RPUSD2: variants seen among roughly 807,000 people sequenced by gnomAD.
RPUSD2 encodes RNA pseudouridine synthase domain containing 2.
A neutral mutation model predicts 41.5 loss-of-function variants in RPUSD2; 31 were observed. The observed-to-expected ratio is 0.75, with a 90% CI of 0.56 to 1.01. The LOEUF (loss-of-function observed/expected upper bound fraction) is 1.01, where lower values mean the gene tolerates loss of function less well. Among genes scored for constraint, RPUSD2 ranks in the 50% least tolerant of loss-of-function variants. The pLI is 0.00. For synonymous variants in RPUSD2, 305 were observed against 289.7 expected, an observed-to-expected ratio of 1.05 and a Z score of -0.54; for missense variants, 749 against 724.7, an observed-to-expected ratio of 1.03 and a Z score of -0.38.
In RPUSD2 at chr15:40,573,609, C is replaced by T; in HGVS notation, c.986C>T (p.Ser329Phe). ...TGTAAAGAACCCATCTTAGTGGTGTCTTACAAAGTAGGGGTGTGCCGTGTA... is the reference window on the plus strand; with the variant it reads ...TGTAAAGAACCCATCTTAGTGGTGTTTTACAAAGTAGGGGTGTGCCGTGTA... ...VTCKEPILVV[S>F]YKVGVCRVDP... Residue 329 changes from serine to phenylalanine, a missense_variant, in exon 3 of 3, where the codon TCT (serine) becomes TTT (phenylalanine). By Grantham distance (155) the Ser-to-Phe change is radical. Transcript: ENST00000315616. 3 of 1,614,186 alleles carry T rather than the reference C, an allele frequency of 1.9e-6. No homozygotes were observed. The highest frequency in any genetic ancestry group is 2.5e-6 in the Non-Finnish European group (3 of 1,180,028).
chr15:40,571,667 C>A lies in RPUSD2; in HGVS notation c.670C>A (p.Arg224Ser). The A allele has an allele frequency of 6.2e-7, 1 of 1,614,228 alleles. No individual in the cohort carries two copies. The highest frequency in any genetic ancestry group is 8.5e-7 in the Non-Finnish European group (1 of 1,180,016). ...HEPPVTAEPI[R>S]LLAENEDVVV... ...GCCACCAGTCACAGCAGAGCCCATT[C>A]GCCTGCTAGCTGAGAACGAAGATGT... Residue 224 changes from arginine (R) to serine (S), a missense_variant, in exon 2 of 3, where the codon CGC (arginine) becomes AGC (serine). Coordinates refer to ENST00000315616, the MANE Select transcript of RPUSD2 (RefSeq NM_152260.3).
In RPUSD2 at chr15:40,573,525, A is replaced by G; in HGVS notation, c.904-2A>G. On this transcript the variant is annotated splice_acceptor_variant, in intron 2 of 2. Transcript: ENST00000315616. LOFTEE classifies it high-confidence loss of function. ...ACTTTCTCCCTCTTCCCTCCTATGTAGCTGGAGAAGGAGTACGTGTGCCGG... is the reference window on the plus strand; with the variant it reads ...ACTTTCTCCCTCTTCCCTCCTATGTGGCTGGAGAAGGAGTACGTGTGCCGG... 1 of 1,608,326 alleles carries G rather than the reference A, an allele frequency of 6.2e-7. No homozygotes were observed. The highest frequency in any genetic ancestry group is 8.5e-7 in the Non-Finnish European group (1 of 1,176,860).
intron 2 of RPUSD2, 41 bp downstream of exon 2, chr15:40,571,941 T>C: frequency 1.9e-6 from 3 of 1,584,308 alleles, no homozygotes; most frequent in Non-Finnish European, 2.6e-6. Context: ...CTTCTTGGGC[T>C]CACGAATGCT....
Position 40,569,315 on chromosome 15 carries a change from A to T in RPUSD2, c.-23A>T. The T allele has an allele frequency of 2.1e-6, 3 of 1,428,460 alleles. No homozygotes were observed. The highest frequency in any genetic ancestry group is 2.8e-6 in the Non-Finnish European group (3 of 1,087,310). The allele number at this position is 1,428,460 out of a possible 1,614,324, so 88.5% of individuals were successfully genotyped here. A position where few individuals can be genotyped will look rare whatever the true frequency, so the allele number is the denominator to read the frequency against. ...GACGTCCTCAGATCGCGACCCTGGG[A>T]GTGGAGTGGGGGCAGCGTGGTTATG... On this transcript the variant is annotated 5_prime_UTR_variant, in exon 1 of 3. Coordinates refer to ENST00000315616, the MANE Select transcript of RPUSD2 (RefSeq NM_152260.3).
rs764618059 is a variant in RPUSD2, at chr15:40,569,545, G to A, written c.208G>A (p.Gly70Arg). 11 of 1,536,220 alleles carry A rather than the reference G, an allele frequency of 7.2e-6. No homozygotes were observed. Among genetic ancestry groups the A allele is most frequent in the Non-Finnish European group, 9.6e-6 (11 of 1,145,926 alleles). Residue 70 changes from glycine to arginine, a missense_variant, in exon 1 of 3, where the codon GGG (glycine) becomes AGG (arginine). Coordinates refer to ENST00000315616, the MANE Select transcript of RPUSD2 (RefSeq NM_152260.3). ...GGDAKVELSP[G>R]PPKPAGREVE... ...CGACGCGAAGGTTGAGCTGTCCCCC[G>A]GGCCCCCGAAGCCGGCTGGCCGGGA...
At position 40,571,701 on chromosome 15, in the gene RPUSD2, T is replaced by TAG; in HGVS notation, c.706_707dup (p.Asp236GlufsTer24). The TAG allele has an allele frequency of 6.2e-7, 1 of 1,614,236 alleles. No individual in the cohort carries two copies. The highest frequency in any genetic ancestry group is 2.2e-5 in the East Asian group (1 of 44,884). ...GCTGAGAACGAAGATGTGGTGGTTG[T>TAG]AGACAAGCCTTCCTCCATTCCCGTT... On this transcript the variant is annotated frameshift_variant, in exon 2 of 3. Transcript: ENST00000315616. LOFTEE classifies it high-confidence loss of function.
At chr15:40,570,155 GTT>G in intron 1 of RPUSD2, 1 of 567,658 alleles carries the variant, frequency 1.8e-6, no homozygotes, top group African/African-American at 1.9e-5. Context: ...GACTCAGCCT[GTT>G]TATCCTCTTC....
intron 1 of RPUSD2, 101 bp from the exon 2 acceptor site, chr15:40,571,503 C>T: frequency 1.8e-6 from 2 of 1,105,872 alleles, no homozygotes; most frequent in South Asian, 1.5e-5. Context: ...TGTGCTTTCA[C>T]CATTTTTCCA....
Position 40,573,843 on chromosome 15 carries a change from C to A in RPUSD2, c.1220C>A (p.Thr407Lys), listed in dbSNP as rs1891197088. ...SRGRGGYIPK[T>K]NEELLRDLVA... is the part of the protein sequence containing the mutation. The stretch of plus-strand genomic sequence containing the variant: ...GGCCGGGGCGGCTACATTCCCAAGA[C>A]AAACGAGGAGTTGCTACGGGACCTG... Residue 407 changes from threonine to lysine, a missense_variant, in exon 3 of 3, where the codon ACA (threonine) becomes AAA (lysine). Thr to Lys is a moderately conservative substitution (Grantham distance 78, BLOSUM62 -1). Transcript: ENST00000315616. 1.9e-6 allele frequency: 3 copies of A among 1,614,038 alleles called. No homozygotes were observed. Among genetic ancestry groups the A allele is most frequent in the African/African-American group, 1.3e-5 (1 of 74,926 alleles).
rs751241467 is a variant in RPUSD2 at position 40,574,076 on chromosome 15, G to A, written c.1453G>A (p.Ala485Thr). 61 of 1,614,076 alleles carry A rather than the reference G, an allele frequency of 3.8e-5. No homozygotes were observed. The highest frequency in any genetic ancestry group is 4.7e-5 in the Non-Finnish European group (55 of 1,180,050). ...CACAATAGCCTTGGCATCAGAGAAG[G>A]CAGTTGAAACAGATGTCATGAATCA... ...LDTIALASEK[A>T]VETDVMNQET... Residue 485 changes from alanine to threonine, a missense_variant, in exon 3 of 3, where the codon GCA becomes ACA. By Grantham distance (58) the Ala-to-Thr change is moderately conservative. Transcript: ENST00000315616.
intron 2 of RPUSD2, 112 bp from the exon 3 acceptor site, chr15:40,573,415 G>C: frequency 8.3e-7 from 1 of 1,200,070 alleles, no homozygotes; most frequent in East Asian, 2.4e-5. Flanking sequence ...ACTGGCGAAT[G>C]GTAGAGCTGG....
At position 40,574,043 on chromosome 15, in the gene RPUSD2, G is replaced by A. The variant is rs202040743; in HGVS notation, c.1420G>A (p.Glu474Lys). Residue 474 changes from glutamate (E) to lysine (K), a missense_variant, in exon 3 of 3, where the codon GAG becomes AAG. Coordinates refer to ENST00000315616, the MANE Select transcript of RPUSD2 (RefSeq NM_152260.3). The part of the protein sequence containing the change: ...MEEVAEAAPQ[E>K]LDTIALASEK... Reference sequence around the variant, plus strand: ...GGAAGTAGCTGAGGCAGCCCCTCAGGAGTTGGACACAATAGCCTTGGCATC... The same window carrying A: ...GGAAGTAGCTGAGGCAGCCCCTCAGAAGTTGGACACAATAGCCTTGGCATC... The A allele has an allele frequency of 1.2e-5, 19 of 1,614,124 alleles. No individual in the cohort carries two copies. In the East Asian group the frequency reaches 4.0e-4, roughly 34 times the overall value.
chr15:40,572,136 G>A (rs1376408031), intron 2 of RPUSD2, among the ~76,000 whole-genome samples: 1 of 152,092 alleles, frequency 6.6e-6, no homozygotes, highest in East Asian at 1.9e-4. Context: ...CTATTTTGAA[G>A]CTTTAAAATG....
Position 40,573,900 on chromosome 15 carries a change from A to G in RPUSD2, c.1277A>G (p.Asp426Gly). ...GAGCACCAGGCCAAACAGAGCCTGG[A>G]TGTGCTAGATCTCTGTGAGGGTGAC... is the stretch of plus-strand genomic sequence containing the variant. The part of the protein sequence containing the change: ...VAEHQAKQSL[D>G]VLDLCEGDLS... Residue 426 changes from aspartate to glycine, a missense_variant, in exon 3 of 3, where the codon GAT becomes GGT. Coordinates refer to ENST00000315616, the MANE Select transcript of RPUSD2 (RefSeq NM_152260.3). 6.2e-7 allele frequency: 1 copy of G among 1,614,092 alleles called. No homozygotes were observed. The highest frequency in any genetic ancestry group is 8.5e-7 in the Non-Finnish European group (1 of 1,180,008).
At position 40,574,056 on chromosome 15, in the gene RPUSD2, T is replaced by C. The variant is rs1035255596; in HGVS notation, c.1433T>C (p.Ile478Thr). 1.8e-5 allele frequency: 29 copies of C among 1,613,952 alleles called. No individual in the cohort carries two copies. Among genetic ancestry groups the C allele is most frequent in the Non-Finnish European group, 2.2e-5 (26 of 1,180,018 alleles). Residue 478 changes from isoleucine (I) to threonine (T), a missense_variant, in exon 3 of 3, where the codon ATA (isoleucine) becomes ACA (threonine). Ile to Thr is a moderately conservative substitution (Grantham distance 89, BLOSUM62 -1). Transcript: ENST00000315616. ...GCAGCCCCTCAGGAGTTGGACACAA[T>C]AGCCTTGGCATCAGAGAAGGCAGTT... is the stretch of plus-strand genomic sequence containing the variant. ...AEAAPQELDTIALASEKAVET... is the reference protein window; with the variant it reads ...AEAAPQELDTTALASEKAVET...
intron 1 of RPUSD2, chr15:40,570,167 C>G (rs1412291815): frequency 5.8e-6 from 3 of 518,488 alleles, no homozygotes; most frequent in African/African-American, 1.9e-5. Context: ...TTATCCTCTT[C>G]CTCAAGGCAG....
Position 40,571,669 on chromosome 15 carries a change from C to G in RPUSD2, c.672C>G (p.Arg224=). Reference sequence around the variant, plus strand: ...CACCAGTCACAGCAGAGCCCATTCGCCTGCTAGCTGAGAACGAAGATGTGG... The same window carrying G: ...CACCAGTCACAGCAGAGCCCATTCGGCTGCTAGCTGAGAACGAAGATGTGG... ...HEPPVTAEPI[R]LLAENEDVVV... is the part of the protein sequence containing the mutation. The change falls in exon 2 of 3, where the codon CGC becomes CGG. Residue 224 remains arginine, a synonymous_variant. Transcript: ENST00000315616. 1 of 1,614,236 alleles carries G rather than the reference C, an allele frequency of 6.2e-7. No individual in the cohort carries two copies. The highest frequency in any genetic ancestry group is 2.2e-5 in the East Asian group (1 of 44,888).
Position 40,574,457 on chromosome 15 carries a change from A to G in RPUSD2, c.*196A>G, listed in dbSNP as rs1340107055. 1 of 520,536 alleles carries G rather than the reference A, an allele frequency of 1.9e-6. No homozygotes were observed. Among genetic ancestry groups the G allele is most frequent in the Non-Finnish European group, 3.3e-6 (1 of 302,212 alleles). The allele number at this position is 520,536 out of a possible 1,614,324, so 32.2% of individuals were successfully genotyped here. On this transcript the variant is annotated 3_prime_UTR_variant, in exon 3 of 3. Coordinates refer to ENST00000315616, the MANE Select transcript of RPUSD2 (RefSeq NM_152260.3). The stretch of plus-strand genomic sequence containing the variant: ...GGTTTGTAAATATATCCCTTTTTCT[A>G]ACATCTTTGATGTCTGGTTTTCTTC...
intron 1 of RPUSD2, among the ~76,000 whole-genome samples, chr15:40,571,039 C>G (rs1566989699): frequency 6.6e-6 from 1 of 151,636 alleles, no homozygotes; most frequent in Non-Finnish European, 1.5e-5. Flanking sequence ...GTTGCCCAGG[C>G]TGGCGTGTAG....
Sources: allele counts gnomAD v4.1 joint callset (sites outside exome capture counted in the v4.1 genomes callset), GRCh38; gene constraint gnomAD v4.1.1; transcripts MANE v1.5; gene names NCBI Gene and HGNC (gene_info 2026-07-23, HGNC 2026-07-21).